Variants in MTRR observed in about 807,000 individuals in gnomAD.
The protein encoded by MTRR is methionine synthase reductase.
A neutral mutation model predicts 79.2 loss-of-function variants in MTRR; 63 were observed. The ratio of observed to expected loss-of-function variants is 0.80; its 90% CI spans 0.65 to 0.98. MTRR has a LOEUF of 0.98. Among genes scored for constraint, MTRR ranks in the 50% least tolerant of loss-of-function variants. The pLI, the probability that MTRR is intolerant of heterozygous loss-of-function variation, is 0.00. For synonymous variants in MTRR, 355 were observed against 313.3 expected (o/e 1.13, Z -1.41); for missense variants, 895 against 839.6 (o/e 1.07, Z -0.82).
At chr5:7,861,855 T>G in intron 1 of MTRR, 1 of 1,160,030 alleles carries the variant, frequency 8.6e-7, no homozygotes, top group Non-Finnish European at 1.1e-6. Flanking sequence ...AGCCTTAAAT[T>G]AAGAAAGCTC....
intron 5 of MTRR, among the ~76,000 whole-genome samples, chr5:7,879,917 GC>G (rs1424388327): frequency 6.6e-6 from 1 of 152,204 alleles, no homozygotes; most frequent in Non-Finnish European, 1.5e-5. Flanking sequence ...AAAGCTGGTG[GC>G]CTTTTCTGTC....
rs1451141211 is a variant in MTRR, at chr5:7,859,603, G to A, written n.392-2348G>A. The A allele has an allele frequency of 4.7e-6, 5 of 1,074,480 alleles. No individual in the cohort carries two copies. The African/African-American group carries it at 4.8e-5, about 10-fold the overall frequency. 66.6% of individuals were successfully genotyped at this position (1,074,480 alleles called of 1,614,324 possible). A position where few individuals can be genotyped will look rare whatever the true frequency, so the allele number is the denominator to read the frequency against. On this transcript the variant is annotated intron_variant and non_coding_transcript_variant, in intron 1 of 3. Transcript: ENST00000502509. ...AAAATCTGAGGTTCCTCTGGCTATT[G>A]GTTACTTTGTTTGTTTCTTACACGC... is the stretch of plus-strand genomic sequence containing the variant.
chr5:7,857,644 C>T (rs570346114), intron 1 of MTRR, among the ~76,000 whole-genome samples: 3 of 152,338 alleles, frequency 2.0e-5, no homozygotes, highest in Non-Finnish European at 4.4e-5. Flanking sequence ...AGAGCCTTGA[C>T]TGTGTGTCAG....
At chr5:7,851,208 G>A in exon 1 of MTRR, 1 of 587,496 alleles carries the variant, frequency 1.7e-6, no homozygotes, top group Non-Finnish European at 2.5e-6. Flanking sequence ...CCAGGGTGGA[G>A]CGACCCTCCC....
intron 1 of MTRR, among the ~76,000 whole-genome samples, chr5:7,858,275 A>G (rs1408763064): frequency 6.6e-6 from 1 of 152,234 alleles, no homozygotes; most frequent in Non-Finnish European, 1.5e-5. Flanking sequence ...TCTTAGGCTC[A>G]GTGTCAGGAA....
At chr5:7,887,793 CATAT>C (rs372829698) in intron 8 of MTRR, among the ~76,000 whole-genome samples, 6,846 of 91,668 alleles carry the variant, frequency 0.075, 294 homozygotes, top group African/African-American at 0.11. Flanking sequence ...TGTGTGTGTG[CATAT>C]ATATATATAT....
chr5:7,888,765 A>T (rs886170115), intron 8 of MTRR, among the ~76,000 whole-genome samples: 1 of 152,236 alleles, frequency 6.6e-6, no homozygotes, highest in Non-Finnish European at 1.5e-5. Flanking sequence ...GAAATAAGCT[A>T]TGTCTGCCTG....
upstream of MTRR, chr5:7,867,156 G>A (rs1256553131): frequency 6.2e-7 from 1 of 1,614,128 alleles, no homozygotes; most frequent in South Asian, 1.1e-5. Context: ...GGAAATGCTT[G>A]ACTTTGATCA....
chr5:7,896,716 T>G, intron 12 of MTRR, 148 bp from the exon 13 acceptor site: 1 of 717,806 alleles, frequency 1.4e-6, no homozygotes, highest in Admixed American at 2.2e-5. Context: ...CTGTGGAGAG[T>G]AAAATGCTAA....
At chr5:7,869,302 G>T in intron 1 of MTRR, 87 bp downstream of exon 1, 1 of 1,531,744 alleles carries the variant, frequency 6.5e-7, no homozygotes, top group Non-Finnish European at 8.9e-7. Flanking sequence ...GGCGGGGGTG[G>T]GCAGCCGGCT....
Position 7,870,057 on chromosome 5 carries a change from G to GT in MTRR, c.-25-712dup, listed in dbSNP as rs1747650506. ...GTTAGATGAGTATGGAAAAAAATCT[G>GT]TGAGTGTCGTTTGTTTTACTACTGC... On this transcript the variant is annotated intron_variant, in intron 1 of 14. Transcript: ENST00000440940. 5 of 985,426 alleles carry GT rather than the reference G, an allele frequency of 5.1e-6. No individual in the cohort carries two copies. In the South Asian group the frequency reaches 1.9e-4, roughly 37 times the overall value. 61.0% of individuals were successfully genotyped at this position (985,426 alleles called of 1,614,324 possible).
chr5:7,891,527 G>A, intron 10 of MTRR, 113 bp downstream of exon 10: 1 of 843,990 alleles, frequency 1.2e-6, no homozygotes, highest in Non-Finnish European at 2.0e-6. Flanking sequence ...CCTGCTTTAT[G>A]GAAGACAGTA....
At chr5:7,890,869 C>G (rs1737428639) in intron 9 of MTRR, among the ~76,000 whole-genome samples, 1 of 152,128 alleles carries the variant, frequency 6.6e-6, no homozygotes, top group South Asian at 2.1e-4. Flanking sequence ...AAACCAAACA[C>G]TTTAATTATT....
intron 6 of MTRR, among the ~76,000 whole-genome samples, chr5:7,884,947 A>G (rs1160151547): frequency 6.6e-6 from 1 of 152,162 alleles, no homozygotes; most frequent in African/African-American, 2.4e-5. Flanking sequence ...ACACCAAAAT[A>G]TTTTTTATTC....
intron 3 of MTRR, among the ~76,000 whole-genome samples, chr5:7,873,765 T>G (rs1353043526): frequency 1.3e-5 from 2 of 152,220 alleles, no homozygotes; most frequent in Non-Finnish European, 2.9e-5. Context: ...AGGATGCACC[T>G]CAGATGCAGC....
At chr5:7,862,886 TAGTC>T in intron 2 of MTRR, 1 of 1,614,108 alleles carries the variant, frequency 6.2e-7, no homozygotes, top group Non-Finnish European at 8.5e-7. Flanking sequence ...CCTAAAAGGT[TAGTC>T]AGCCCAATCT....
chr5:7,866,772 T>A, upstream of MTRR: 1 of 1,614,094 alleles, frequency 6.2e-7, no homozygotes, highest in Non-Finnish European at 8.5e-7. Context: ...TTGAAATGAG[T>A]GAATAGCACG....
intron 1 of MTRR, chr5:7,869,528 A>C (rs563070111): frequency 2.9e-6 from 1 of 343,966 alleles, no homozygotes; most frequent in South Asian, 2.9e-5. Context: ...GGGAAACCGC[A>C]CTCGGGGACG....
At position 7,878,294 on chromosome 5, in the gene MTRR, A is replaced by G. The variant is rs771089950; in HGVS notation, c.752A>G (p.Gln251Arg). Residue 251 changes from glutamine to arginine, a missense_variant, in exon 5 of 15, where the codon CAG becomes CGG. Coordinates refer to ENST00000440940, the MANE Select transcript of MTRR (RefSeq NM_002454.3). The part of the protein sequence containing the change: ...NIPGLPPEYL[Q>R]VHLQESLGQE... ...CCTGGTTTACCCCCAGAATATTTACAGGTACATCTGCAGGAGTCTCTTGGC... is the reference window on the plus strand; with the variant it reads ...CCTGGTTTACCCCCAGAATATTTACGGGTACATCTGCAGGAGTCTCTTGGC... The G allele has an allele frequency of 6.2e-6, 10 of 1,614,104 alleles. No individual in the cohort carries two copies. In the South Asian group the frequency reaches 1.1e-4, roughly 18 times the overall value.
Sources: gnomAD v4.1 joint callset for allele counts (sites outside exome capture counted in the v4.1 genomes callset) on GRCh38, gnomAD v4.1.1 for gene constraint, MANE v1.5 for transcripts, NCBI Gene and HGNC (gene_info 2026-07-23, HGNC 2026-07-21) for gene names.